PRKN: variants seen among roughly 807,000 people sequenced by gnomAD.
The protein encoded by PRKN is parkin RBR E3 ubiquitin protein ligase, also known as E3 ubiquitin-protein ligase parkin.
A neutral mutation model predicts 59.5 loss-of-function variants in PRKN; 56 were observed. The ratio of observed to expected loss-of-function variants is 0.94; its 90% CI spans 0.76 to 1.18. PRKN has a LOEUF of 1.18. Among genes scored for constraint, PRKN ranks in the 50% most tolerant of loss-of-function variants. The pLI is 0.00. For synonymous variants in PRKN, 250 were observed against 222.1 expected, an observed-to-expected ratio of 1.13 and a Z score of -1.12; for missense variants, 657 against 596.4, an observed-to-expected ratio of 1.10 and a Z score of -1.06.
intron 1 of PRKN, chr6:162,643,979 T>C (rs1778066481): frequency 6.6e-6 from 1 of 152,118 alleles, no homozygotes. Flanking sequence ...CATTTAATCT[T>C]TCTTAGATAC....
At chr6:162,382,057 G>C (rs1446941173) in intron 2 of PRKN, among the ~76,000 whole-genome samples, 1 of 152,140 alleles carries the variant, frequency 6.6e-6, no homozygotes, top group Non-Finnish European at 1.5e-5. Flanking sequence ...AAAGTAGCAA[G>C]ATTTTGCTGG....
intron 4 of PRKN, among the ~76,000 whole-genome samples, chr6:162,182,939 G>T (rs1313469701): frequency 2.0e-5 from 3 of 151,938 alleles, no homozygotes. Flanking sequence ...CTTCTAAAAT[G>T]CATTATTATT....
chr6:161,596,496 T>A (rs1471745507), intron 7 of PRKN, among the ~76,000 whole-genome samples: 2 of 152,174 alleles, frequency 1.3e-5, no homozygotes, highest in Admixed American at 1.3e-4. Flanking sequence ...AACTTTGGTT[T>A]GCTATTTTTT....
At chr6:162,401,308 A>G (rs760900093) in intron 2 of PRKN, among the ~76,000 whole-genome samples, 9 of 152,028 alleles carry the variant, frequency 5.9e-5, no homozygotes, top group Non-Finnish European at 1.3e-4. Flanking sequence ...GGAAAAAAAA[A>G]AACCTATGCA....
At position 162,362,496 on chromosome 6, in the gene PRKN, A is replaced by C. The variant is rs555610382; in HGVS notation, c.171+80814T>G. On this transcript the variant is annotated intron_variant, in intron 2 of 11. Coordinates refer to ENST00000366898, the MANE Select transcript of PRKN (RefSeq NM_004562.3). ...AAATAAGGGCCGTGTAAAATAACTG[A>C]AAAATAATCCTATTTGAATTAAAAT... Among the ~76,000 whole-genome samples, 76 of 152,318 alleles carry C rather than the reference A, an allele frequency of 5.0e-4. 1 individual carries two copies. The highest frequency in any genetic ancestry group is 1.0e-3 in the Non-Finnish European group (70 of 68,030).
intron 1 of PRKN, among the ~76,000 whole-genome samples, chr6:162,474,383 CT>C (rs199966598): frequency 6.6e-6 from 1 of 151,812 alleles, no homozygotes; most frequent in Admixed American, 6.6e-5. Flanking sequence ...TATTTGAATG[CT>C]TTTTTTTAGA....
chr6:162,254,945 A>G (rs1779584234), intron 3 of PRKN, among the ~76,000 whole-genome samples: 1 of 152,064 alleles, frequency 6.6e-6, no homozygotes, highest in African/African-American at 2.4e-5. Context: ...ACACTCCAGA[A>G]AAACAGCCAT....
intron 4 of PRKN, among the ~76,000 whole-genome samples, chr6:162,120,550 CT>C (rs1039788584): frequency 6.6e-6 from 1 of 152,164 alleles, no homozygotes; most frequent in African/African-American, 2.4e-5. Context: ...AAAGTGGAGG[CT>C]TTTGGTGGTA....
At chr6:162,265,593 A>C (rs538217038) in intron 2 of PRKN, among the ~76,000 whole-genome samples, 7 of 152,312 alleles carry the variant, frequency 4.6e-5, no homozygotes, top group Non-Finnish European at 7.3e-5. Flanking sequence ...CAAGAGGCTG[A>C]GGCAGGAGAA....
chr6:161,870,374 T>C (rs1794295640), intron 6 of PRKN, among the ~76,000 whole-genome samples: 1 of 152,156 alleles, frequency 6.6e-6, no homozygotes, highest in African/African-American at 2.4e-5. Context: ...TCAATGTCCT[T>C]TAACTTTTCA....
chr6:161,558,150 T>C (rs972245865), intron 8 of PRKN, among the ~76,000 whole-genome samples: 3 of 152,128 alleles, frequency 2.0e-5, no homozygotes, highest in Admixed American at 6.6e-5. Context: ...AAGTGCCATC[T>C]TTTGCTGACA....
intron 2 of PRKN, among the ~76,000 whole-genome samples, chr6:162,283,988 C>G (rs577164498): frequency 6.6e-6 from 1 of 151,990 alleles, no homozygotes; most frequent in South Asian, 2.1e-4. Context: ...ATATAATTCA[C>G]AAAAATTAAA....
At chr6:161,535,193 T>G (rs1347397571) in intron 9 of PRKN, among the ~76,000 whole-genome samples, 1 of 152,220 alleles carries the variant, frequency 6.6e-6, no homozygotes, top group African/African-American at 2.4e-5. Flanking sequence ...TCTGCACAAC[T>G]TCAGAAGGTT....
At chr6:162,202,203 T>TA (rs1784759046) in intron 3 of PRKN, among the ~76,000 whole-genome samples, 1 of 151,096 alleles carries the variant, frequency 6.6e-6, no homozygotes, top group Non-Finnish European at 1.5e-5. Context: ...AGATAATATA[T>TA]TTTTTTTTAA....
At chr6:161,980,467 G>A (rs960764996) in intron 5 of PRKN, among the ~76,000 whole-genome samples, 1 of 152,220 alleles carries the variant, frequency 6.6e-6, no homozygotes, top group African/African-American at 2.4e-5. Flanking sequence ...TAGTTCAACT[G>A]ACGGAATTGA....
chr6:161,665,887 C>T (rs148279710), intron 7 of PRKN, among the ~76,000 whole-genome samples: 10 of 152,272 alleles, frequency 6.6e-5, no homozygotes, highest in Non-Finnish European at 1.3e-4. Context: ...TATTAGGGCC[C>T]TCTGTCTTGT....
At chr6:162,198,597 T>C (rs1381551536) in intron 4 of PRKN, among the ~76,000 whole-genome samples, 1 of 152,012 alleles carries the variant, frequency 6.6e-6, no homozygotes, top group Non-Finnish European at 1.5e-5. Context: ...CAAAAGGAAA[T>C]AGATACTATT....
intron 2 of PRKN, among the ~76,000 whole-genome samples, chr6:162,308,145 A>G (rs4235937): frequency 0.74 from 112,571 of 152,078 alleles, 42,485 homozygotes; most frequent in East Asian, 0.89. Flanking sequence ...CACATGTCTC[A>G]GTTGTTTGTA....
At chr6:161,851,634 C>T (rs1793437932) in intron 6 of PRKN, among the ~76,000 whole-genome samples, 1 of 151,688 alleles carries the variant, frequency 6.6e-6, no homozygotes, top group African/African-American at 2.4e-5. Context: ...CACAGGCTCC[C>T]ACCACCATGC....
Sources: gnomAD v4.1 joint callset for allele counts (sites outside exome capture counted in the v4.1 genomes callset) on GRCh38, gnomAD v4.1.1 for gene constraint, MANE v1.5 for transcripts, NCBI Gene and HGNC (gene_info 2026-07-23, HGNC 2026-07-21) for gene names.